ZFP28: variants seen among roughly 807,000 people sequenced by gnomAD.
ZFP28 encodes zinc finger protein 28 homolog.
A neutral mutation model predicts 39.5 loss-of-function variants in ZFP28; 31 were observed. The ratio of observed to expected loss-of-function variants is 0.79; its 90% CI spans 0.59 to 1.06. The LOEUF is 1.06. Among genes scored for constraint, ZFP28 ranks in the 50% least tolerant of loss-of-function variants. ZFP28 has a pLI of 0.00. For synonymous variants in ZFP28, 400 were observed against 378.6 expected (o/e 1.06, Z -0.66); for missense variants, 925 against 1,048.4 (o/e 0.88, Z 1.63).
At position 56,547,351 on chromosome 19, in the gene ZFP28, A is replaced by G; in HGVS notation, c.301-157A>G. The G allele has an allele frequency of 1.9e-6, 2 of 1,071,428 alleles. No homozygotes were observed. Among genetic ancestry groups the G allele is most frequent in the South Asian group, 3.1e-5 (2 of 63,982 alleles). 66.4% of individuals were successfully genotyped at this position (1,071,428 alleles called of 1,614,324 possible). On this transcript the variant is annotated intron_variant, in intron 2 of 7. Coordinates refer to ENST00000301318, the MANE Select transcript of ZFP28 (RefSeq NM_020828.2). This position sits in a 1 kb window ranked among gnomAD's most constrained non-coding sequence, Gnocchi z 4.6. ...CATTTAACCCTAATTACCTCTTTGT[A>G]GGCCCTGTCTCTAAATACAGTCACA...
chr19:56,547,774 A>G lies in ZFP28; in HGVS notation c.428-33A>G. On this transcript the variant is annotated intron_variant, in intron 3 of 7. Coordinates refer to ENST00000301318, the MANE Select transcript of ZFP28 (RefSeq NM_020828.2). This position sits in a 1 kb window ranked among gnomAD's most constrained non-coding sequence, Gnocchi z 4.6. ...ACTGCATCTCAGTCTGGACAGCCAC[A>G]CAGTATGACCAGGTTGTTTTTTATG... The G allele has an allele frequency of 6.2e-7, 1 of 1,612,756 alleles. No homozygotes were observed. The highest frequency in any genetic ancestry group is 8.5e-7 in the Non-Finnish European group (1 of 1,178,968).
chr19:56,551,455 A>C, intron 7 of ZFP28: 2 of 985,420 alleles, frequency 2.0e-6, no homozygotes, highest in Non-Finnish European at 2.4e-6. Context: ...TTTCATGTGG[A>C]TTCCACGTTG....
intron 1 of ZFP28, 88 bp downstream of exon 1, chr19:56,539,314 CAGTTG>C: frequency 7.4e-7 from 1 of 1,345,794 alleles, no homozygotes; most frequent in Non-Finnish European, 1.0e-6. Context: ...TCTCGGGGAC[CAGTTG>C]CTGGAGAACT....
At position 56,554,698 on chromosome 19, in the gene ZFP28, T is replaced by G. The variant is rs1427234227; in HGVS notation, c.1913T>G (p.Ile638Ser). ...TCTCAGCTTGCCACTCATCAGAGAA[T>G]CCATACTGGAGAGAAGCCCTATGAA... is the stretch of plus-strand genomic sequence containing the variant. ...ISSQLATHQR[I>S]HTGEKPYECK... Residue 638 changes from isoleucine (I) to serine (S), a missense_variant, in exon 8 of 8, where the codon ATC becomes AGC. Transcript: ENST00000301318. The surrounding 1 kb of genome is among the most constrained non-coding windows in gnomAD (Gnocchi z 6.7). 24 of 1,614,020 alleles carry G rather than the reference T, an allele frequency of 1.5e-5. No homozygotes were observed. Among genetic ancestry groups the G allele is most frequent in the Non-Finnish European group, 1.9e-5 (23 of 1,180,036 alleles).
In ZFP28 at chr19:56,555,015, CTTAT is replaced by C; in HGVS notation, c.2233_2236del (p.Ile745ValfsTer83). ...AAAGGCATTCAAGACAAAATCCTCC[CTTAT>C]TTGTCATCGCAGAAGTCATACTGGA... On this transcript the variant is annotated frameshift_variant, in exon 8 of 8. Coordinates refer to ENST00000301318, the MANE Select transcript of ZFP28 (RefSeq NM_020828.2). LOFTEE classifies it low-confidence loss of function (END_TRUNC). 6.2e-7 allele frequency: 1 copy of C among 1,614,112 alleles called. No homozygotes were observed. Among genetic ancestry groups the C allele is most frequent in the Non-Finnish European group, 8.5e-7 (1 of 1,180,014 alleles).
In ZFP28 at chr19:56,538,987, G is replaced by A. The variant is rs1164816495; in HGVS notation, c.-32G>A. 4.3e-6 allele frequency: 6 copies of A among 1,379,450 alleles called. No homozygotes were observed. The African/African-American group carries it at 4.6e-5, about 11-fold the overall frequency. 85.5% of individuals were successfully genotyped at this position (1,379,450 alleles called of 1,614,324 possible). A position where few individuals can be genotyped will look rare whatever the true frequency, so the allele number is the denominator to read the frequency against. On this transcript the variant is annotated 5_prime_UTR_variant, in exon 1 of 8. Coordinates refer to ENST00000301318, the MANE Select transcript of ZFP28 (RefSeq NM_020828.2). ...CAGGGGTGTGGGTCTGTGAGGGACC[G>A]GTCGGAAGGGCGTCGCGCGGCCTCG...
At chr19:56,543,338 TATTA>T (rs1272329241) in intron 2 of ZFP28, among the ~76,000 whole-genome samples, 8 of 147,346 alleles carry the variant, frequency 5.4e-5, no homozygotes, top group Admixed American at 2.7e-4. Context: ...ATATAGAATA[TATTA>T]TATATGTATA....
chr19:56,553,365 C>A (rs564810293), intron 7 of ZFP28, among the ~76,000 whole-genome samples: 1 of 152,176 alleles, frequency 6.6e-6, no homozygotes, highest in African/African-American at 2.4e-5. Flanking sequence ...GAACTACAGG[C>A]ACATACTACC....
Position 56,554,859 on chromosome 19 carries a change from CAG to C in ZFP28, c.2079_2080del (p.Arg693SerfsTer5). ...CCAGACCACACACCTCATTCAACAT[CAG>C]AGAGTTCACACTGGTGAGAAACCCT... ...FSQTTHLIQHQRVHTGEKPYK... is the reference protein window; with the variant it reads ...FSQTTHLIQHXRVHTGEKPYK... On this transcript the variant is annotated frameshift_variant, in exon 8 of 8. Transcript: ENST00000301318. LOFTEE classifies it low-confidence loss of function (END_TRUNC). This position sits in a 1 kb window ranked among gnomAD's most constrained non-coding sequence, Gnocchi z 6.7. 3 of 1,614,112 alleles carry C rather than the reference CAG, an allele frequency of 1.9e-6. No individual in the cohort carries two copies. The highest frequency in any genetic ancestry group is 1.1e-5 in the South Asian group (1 of 91,074).
chr19:56,550,908 G>GT, intron 7 of ZFP28: 1 of 1,428,242 alleles, frequency 7.0e-7, no homozygotes, highest in Non-Finnish European at 9.1e-7. Context: ...ACTTCCAAAG[G>GT]TTTTCTCTTC....
In ZFP28 at chr19:56,554,053, A is replaced by G; in HGVS notation, c.1268A>G (p.Asn423Ser). The G allele has an allele frequency of 1.9e-6, 3 of 1,614,184 alleles. No homozygotes were observed. Among genetic ancestry groups the G allele is most frequent in the Non-Finnish European group, 2.5e-6 (3 of 1,180,028 alleles). Residue 423 changes from asparagine to serine, a missense_variant, in exon 8 of 8, where the codon AAT (asparagine) becomes AGT (serine). Physicochemically the swap from Asn to Ser is conservative, Grantham distance 46 (BLOSUM62 1). Coordinates refer to ENST00000301318, the MANE Select transcript of ZFP28 (RefSeq NM_020828.2). This position sits in a 1 kb window ranked among gnomAD's most constrained non-coding sequence, Gnocchi z 6.7. ...IYAGKKLFKC[N>S]ECKKTFTQSS... is the part of the protein sequence containing the mutation. ...GCAGGAAAAAAGCTTTTCAAGTGTA[A>G]TGAATGTAAGAAAACTTTTACCCAG...
In ZFP28 at chr19:56,547,640, G is replaced by C; in HGVS notation, c.427+6G>C. 1 of 1,605,202 alleles carries C rather than the reference G, an allele frequency of 6.2e-7. No homozygotes were observed. Among genetic ancestry groups the C allele is most frequent in the Non-Finnish European group, 8.5e-7 (1 of 1,175,166 alleles). ...CAGGAACCTGGCATCGCTGGGTAAG[G>C]GCTCCCACCCCTTTTCCCACCCCTC... On this transcript the variant is annotated splice_donor_region_variant and intron_variant, in intron 3 of 7. Transcript: ENST00000301318. This position sits in a 1 kb window ranked among gnomAD's most constrained non-coding sequence, Gnocchi z 4.6.
intron 2 of ZFP28, chr19:56,546,705 T>C (rs1204281428): frequency 2.0e-5 from 3 of 152,212 alleles, no homozygotes; most frequent in African/African-American, 4.8e-5. Flanking sequence ...ATGAATAATA[T>C]TGATGCTTTG....
At position 56,555,649 on chromosome 19, in the gene ZFP28, C is replaced by T; in HGVS notation, c.*257C>T. On this transcript the variant is annotated 3_prime_UTR_variant, in exon 8 of 8. Transcript: ENST00000301318. ...TTTGTATTTGAACATTGAAAAGTTACAGTAGTCAGCTCTGATAAAAAAATG... is the reference window on the plus strand; with the variant it reads ...TTTGTATTTGAACATTGAAAAGTTATAGTAGTCAGCTCTGATAAAAAAATG... 1 of 436,514 alleles carries T rather than the reference C, an allele frequency of 2.3e-6. No individual in the cohort carries two copies. Among genetic ancestry groups the T allele is most frequent in the Non-Finnish European group, 4.0e-6 (1 of 251,880 alleles). The allele number at this position is 436,514 out of a possible 1,614,324, so 27.0% of individuals were successfully genotyped here.
intron 7 of ZFP28, chr19:56,550,924 T>G: frequency 7.0e-7 from 1 of 1,422,792 alleles, no homozygotes; most frequent in Non-Finnish European, 9.1e-7. Flanking sequence ...TCTTCTGTGG[T>G]TAAATGGCCT....
Position 56,539,211 on chromosome 19 carries a change from G to A in ZFP28, c.193G>A (p.Gly65Arg). 1.3e-6 allele frequency: 2 copies of A among 1,596,474 alleles called. No individual in the cohort carries two copies. The highest frequency in any genetic ancestry group is 8.5e-7 in the Non-Finnish European group (1 of 1,175,956). The change falls in exon 1 of 8, where the codon GGG becomes AGG. Residue 65 changes from glycine (G) to arginine (R), a missense_variant. By Grantham distance (125) the Gly-to-Arg change is moderately radical. Transcript: ENST00000301318. ...SKGQRGAAPT[G>R]PGHRALPSRD... ...AGGCCAGCGAGGAGCGGCCCCTACGGGGCCTGGGCACAGAGGTGAGAGTGA... is the reference window on the plus strand; with the variant it reads ...AGGCCAGCGAGGAGCGGCCCCTACGAGGCCTGGGCACAGAGGTGAGAGTGA...
At chr19:56,541,596 C>G (rs1431983027) in intron 2 of ZFP28, among the ~76,000 whole-genome samples, 1 of 152,128 alleles carries the variant, frequency 6.6e-6, no homozygotes, top group African/African-American at 2.4e-5. Flanking sequence ...TGACCTGGCT[C>G]CTTGTTACCC....
chr19:56,544,806 G>T lies in ZFP28; in HGVS notation c.301-2702G>T, dbSNP rs545959135. ...GTTATTGCTGTTATTTACAGTAAAA[G>T]ACATTTTTAAAACAAAAGTCATTGA... is the stretch of plus-strand genomic sequence containing the variant. On this transcript the variant is annotated intron_variant, in intron 2 of 7. Coordinates refer to ENST00000301318, the MANE Select transcript of ZFP28 (RefSeq NM_020828.2). 15 of 152,320 alleles carry T rather than the reference G, an allele frequency of 9.8e-5. 1 individual carries two copies. In the South Asian group the frequency reaches 2.7e-3, roughly 27 times the overall value. The allele number at this position is 152,320 out of a possible 1,614,324, so 9.4% of individuals were successfully genotyped here. A position where few individuals can be genotyped will look rare whatever the true frequency, so the allele number is the denominator to read the frequency against.
chr19:56,550,746 A>AGT (rs1568487077), intron 7 of ZFP28, 141 bp downstream of exon 7: 2 of 1,544,436 alleles, frequency 1.3e-6, no homozygotes, highest in South Asian at 1.2e-5. Context: ...GAACTCTGGG[A>AGT]GTTCCAAATA....
Sources: gnomAD v4.1 joint callset for allele counts (sites outside exome capture counted in the v4.1 genomes callset) on GRCh38, gnomAD v4.1.1 for gene constraint, Gnocchi (gnomAD v3.1) non-coding constraint, MANE v1.5 for transcripts, NCBI Gene and HGNC (gene_info 2026-07-23, HGNC 2026-07-21) for gene names.